The following AKAP13 variants were observed in gnomAD, a reference collection of about 807,000 sequenced individuals.
AKAP13 encodes the protein A-kinase anchoring protein 13.
In AKAP13, 80 loss-of-function variants were observed where a neutral mutation model predicts 264.5. That is an observed-to-expected ratio of 0.30 (90% confidence interval 0.25 to 0.36). The LOEUF is 0.36. Among genes scored for constraint, AKAP13 ranks in the 10% least tolerant of loss-of-function variants. The pLI is 1.00. For missense variants in AKAP13, 3,712 were observed against 3,435.2 expected (o/e 1.08, Z -2.01); for synonymous variants, 1,380 against 1,250.2 (o/e 1.10, Z -2.19).
At position 85,718,959 on chromosome 15, in the gene AKAP13, C is replaced by A. The variant is rs1215292331; in HGVS notation, c.6002-117C>A. On this transcript the variant is annotated intron_variant, in intron 22 of 36. Transcript: ENST00000394518. This position sits in a 1 kb window ranked among gnomAD's most constrained non-coding sequence, Gnocchi z 4.9. ...TTTTAGGGGAAAGATAGCTGTTGAC[C>A]CAATTTTAAGGTTCAAATTGGGCTC... 7.0e-7 allele frequency: 1 copy of A among 1,422,642 alleles called. No homozygotes were observed. The allele number at this position is 1,422,642 out of a possible 1,614,324, so 88.1% of individuals were successfully genotyped here.
chr15:85,492,407 T>G (rs1303500355), intron 2 of AKAP13, among the ~76,000 whole-genome samples: 1 of 152,192 alleles, frequency 6.6e-6, no homozygotes, highest in African/African-American at 2.4e-5. Flanking sequence ...ACTTTAAATG[T>G]ACAGAGAAGT....
At chr15:85,510,289 A>G (rs1450153472) in intron 2 of AKAP13, among the ~76,000 whole-genome samples, 20 of 152,172 alleles carry the variant, frequency 1.3e-4, no homozygotes. Context: ...ACATTTCTCC[A>G]CAGAAGTCTT....
At chr15:85,540,830 G>A (rs927159273) in intron 4 of AKAP13, among the ~76,000 whole-genome samples, 1 of 152,140 alleles carries the variant, frequency 6.6e-6, no homozygotes, top group Non-Finnish European at 1.5e-5. Flanking sequence ...TAAAACTGGG[G>A]GTATATGCAT....
intron 1 of AKAP13, among the ~76,000 whole-genome samples, chr15:85,444,933 C>A (rs1209853601): frequency 6.6e-6 from 1 of 152,112 alleles, no homozygotes; most frequent in Admixed American, 6.6e-5. Flanking sequence ...TGTTTTTTAG[C>A]TGAGGGAATT....
At chr15:85,474,383 A>G (rs2075075670) in intron 1 of AKAP13, among the ~76,000 whole-genome samples, 1 of 152,222 alleles carries the variant, frequency 6.6e-6, no homozygotes, top group Admixed American at 6.5e-5. Flanking sequence ...ATCAGTGTTG[A>G]TAATTAATTT....
intron 33 of AKAP13, among the ~76,000 whole-genome samples, chr15:85,737,460 G>T (rs867013226): frequency 1.3e-5 from 2 of 152,138 alleles, no homozygotes; most frequent in Non-Finnish European, 2.9e-5. Context: ...TGTTGACTGT[G>T]TTTCTTCTTT....
At chr15:85,496,295 A>G (rs1414550975) in intron 2 of AKAP13, among the ~76,000 whole-genome samples, 1 of 152,134 alleles carries the variant, frequency 6.6e-6, no homozygotes, top group Non-Finnish European at 1.5e-5. Context: ...GTGATTTTCT[A>G]CCACCACATT....
rs1156572859 is a variant in AKAP13, at chr15:85,579,136, G to A, written c.1068G>A (p.Leu356=). ...CACAGACTGAAAGTCCCTGTGATTT[G>A]TCAAGCATAGTTGAGGAGGAGAATA... ...PVAQTESPCD[L]SSIVEEENTD... Residue 356 remains leucine (L), a synonymous_variant, in exon 7 of 37, where the codon TTG becomes TTA. Coordinates refer to ENST00000394518, the MANE Select transcript of AKAP13 (RefSeq NM_007200.5). 4.3e-6 allele frequency: 7 copies of A among 1,614,054 alleles called. No individual in the cohort carries two copies. The highest frequency in any genetic ancestry group is 5.9e-6 in the Non-Finnish European group (7 of 1,180,040).
intron 3 of AKAP13, among the ~76,000 whole-genome samples, chr15:85,522,797 C>T (rs1163363382): frequency 2.0e-5 from 3 of 152,066 alleles, no homozygotes; most frequent in African/African-American, 7.2e-5. Flanking sequence ...TTGCTTTGGC[C>T]CTGTAGTCCT....
At chr15:85,648,795 C>T (rs1406666818) in intron 10 of AKAP13, among the ~76,000 whole-genome samples, 3 of 152,060 alleles carry the variant, frequency 2.0e-5, no homozygotes, top group Non-Finnish European at 2.9e-5. Context: ...GCCGTGATGG[C>T]ACCACTGCAC....
intron 1 of AKAP13, among the ~76,000 whole-genome samples, chr15:85,475,237 A>T (rs1282138868): frequency 6.6e-6 from 1 of 152,158 alleles, no homozygotes; most frequent in East Asian, 1.9e-4. Context: ...CTAAATTTAA[A>T]GTTTATTCTT....
chr15:85,527,322 C>G (rs184073466), intron 3 of AKAP13, among the ~76,000 whole-genome samples: 1 of 152,246 alleles, frequency 6.6e-6, no homozygotes, highest in East Asian at 1.9e-4. Flanking sequence ...GAACACAGCA[C>G]TGGAATCCTA....
rs2089350288 is a variant in AKAP13 at position 85,745,747 on chromosome 15, T to C, written c.*1070T>C. 6.6e-6 allele frequency: 1 copy of C among 152,266 alleles called. No individual in the cohort carries two copies. Among genetic ancestry groups the C allele is most frequent in the Non-Finnish European group, 1.5e-5 (1 of 68,120 alleles). The allele number at this position is 152,266 out of a possible 1,614,324, so 9.4% of individuals were successfully genotyped here. A position where few individuals can be genotyped will look rare whatever the true frequency, so the allele number is the denominator to read the frequency against. On this transcript the variant is annotated 3_prime_UTR_variant, in exon 37 of 37. Coordinates refer to ENST00000394518, the MANE Select transcript of AKAP13 (RefSeq NM_007200.5). ...CTAGGACAGCTGGCTGAGAAGTGGG[T>C]TCAGGCGAAGGGTGAAGCCATGTGT...
At chr15:85,648,517 A>G (rs2082661299) in intron 10 of AKAP13, among the ~76,000 whole-genome samples, 3 of 152,108 alleles carry the variant, frequency 2.0e-5, no homozygotes, top group Admixed American at 2.0e-4. Context: ...TAGATTTGGA[A>G]GATTTTTTTT....
rs2087666781 is a variant in AKAP13, at chr15:85,727,134, T to C, written c.6891T>C (p.Gly2297=). The change falls in exon 28 of 37, where the codon GGT becomes GGC. Residue 2297 remains glycine (G), a synonymous_variant. Coordinates refer to ENST00000394518, the MANE Select transcript of AKAP13 (RefSeq NM_007200.5). This position sits in a 1 kb window ranked among gnomAD's most constrained non-coding sequence, Gnocchi z 5.3. ...GAGAAGTGGCACATGAGGAGAAAGG[T>C]TTATTCCTGATCAGCATGGGGATGA... The part of the protein sequence containing the change: ...IVREVAHEEK[G]LFLISMGMTD... 6.2e-7 allele frequency: 1 copy of C among 1,614,142 alleles called. No individual in the cohort carries two copies. Among genetic ancestry groups the C allele is most frequent in the Non-Finnish European group, 8.5e-7 (1 of 1,180,020 alleles).
At chr15:85,498,479 G>A (rs1048902719) in intron 2 of AKAP13, among the ~76,000 whole-genome samples, 1 of 151,892 alleles carries the variant, frequency 6.6e-6, no homozygotes, top group African/African-American at 2.4e-5. Flanking sequence ...ATAGATGAAC[G>A]AACATAGCTA....
At chr15:85,632,103 C>T (rs1036321338) in intron 8 of AKAP13, among the ~76,000 whole-genome samples, 1 of 152,066 alleles carries the variant, frequency 6.6e-6, no homozygotes, top group Non-Finnish European at 1.5e-5. Context: ...GAAATTGTTC[C>T]GTACTTGCAA....
intron 3 of AKAP13, among the ~76,000 whole-genome samples, chr15:85,523,573 T>C (rs548297999): frequency 6.6e-6 from 1 of 152,290 alleles, no homozygotes; most frequent in Non-Finnish European, 1.5e-5. Context: ...CTCACATATA[T>C]TTTACTTATT....
intron 1 of AKAP13, among the ~76,000 whole-genome samples, chr15:85,453,087 G>A (rs562554178): frequency 6.6e-6 from 1 of 152,332 alleles, no homozygotes; most frequent in South Asian, 2.1e-4. Flanking sequence ...ACCTGTGGGA[G>A]ATGGACTGGC....
Sources: allele counts gnomAD v4.1 joint callset (sites outside exome capture counted in the v4.1 genomes callset), GRCh38; gene constraint gnomAD v4.1.1; non-coding constraint Gnocchi (gnomAD v3.1); transcripts MANE v1.5; gene names NCBI Gene and HGNC (gene_info 2026-07-23, HGNC 2026-07-21).